UTRN: variants seen among roughly 807,000 people sequenced by gnomAD.
UTRN encodes dystrophin-related protein 1.
A neutral mutation model predicts 463.9 loss-of-function variants in UTRN; 283 were observed. The ratio of observed to expected loss-of-function variants is 0.61; its 90% confidence interval spans 0.55 to 0.67. UTRN has a LOEUF of 0.67. Among genes scored for constraint, UTRN ranks in the 30% least tolerant of loss-of-function variants. The pLI is 0.00. For synonymous variants in UTRN, 1,442 were observed against 1,431.5 expected, an observed-to-expected ratio of 1.01 and a Z score of -0.17; for missense variants, 3,922 against 4,084.3, an observed-to-expected ratio of 0.96 and a Z score of 1.08.
chr6:144,545,104 C>G (rs1254249569), intron 46 of UTRN, among the ~76,000 whole-genome samples: 1 of 152,184 alleles, frequency 6.6e-6, no homozygotes, highest in African/African-American at 2.4e-5. Context: ...AACCTCAACT[C>G]TTCTCTGGAA....
chr6:144,493,148 G>T (rs193040652), intron 32 of UTRN, among the ~76,000 whole-genome samples, 153 bp from the exon 33 acceptor site: 2 of 152,228 alleles, frequency 1.3e-5, no homozygotes, highest in South Asian at 2.1e-4. Flanking sequence ...CATTTGACTC[G>T]ACCTTCAGAC....
chr6:144,822,023 G>A (rs1398466952), intron 66 of UTRN, among the ~76,000 whole-genome samples: 1 of 152,054 alleles, frequency 6.6e-6, no homozygotes, highest in Non-Finnish European at 1.5e-5. Context: ...GTAGTAAGAA[G>A]TATAAAAAAT....
intron 51 of UTRN, among the ~76,000 whole-genome samples, chr6:144,599,896 A>G (rs1021655845): frequency 5.3e-5 from 8 of 152,266 alleles, no homozygotes; most frequent in African/African-American, 1.9e-4. Flanking sequence ...AAACAAGTCT[A>G]TCAGTGTTGT....
At chr6:144,796,803 G>C (rs1044985385) in intron 63 of UTRN, among the ~76,000 whole-genome samples, 4 of 152,090 alleles carry the variant, frequency 2.6e-5, no homozygotes, top group Admixed American at 2.6e-4. Context: ...GATGTCATGG[G>C]TTATTACATT....
chr6:144,486,612 C>T (rs1334104782), intron 28 of UTRN, among the ~76,000 whole-genome samples: 1 of 152,002 alleles, frequency 6.6e-6, no homozygotes, highest in Non-Finnish European at 1.5e-5. Flanking sequence ...ACCTCCACCT[C>T]CTGAGTTCAA....
chr6:144,614,128 A>G (rs749834210), intron 51 of UTRN, among the ~76,000 whole-genome samples: 4 of 152,030 alleles, frequency 2.6e-5, no homozygotes, highest in Admixed American at 6.6e-5. Context: ...AATTTTACCA[A>G]TGGTTGCAGG....
intron 51 of UTRN, among the ~76,000 whole-genome samples, chr6:144,677,850 A>G (rs1781799953): frequency 6.6e-6 from 1 of 152,204 alleles, no homozygotes; most frequent in African/African-American, 2.4e-5. Flanking sequence ...TCTAATGACC[A>G]GTGCTGATGA....
intron 2 of UTRN, among the ~76,000 whole-genome samples, chr6:144,382,813 A>G (rs1214679799): frequency 1.3e-5 from 2 of 152,204 alleles, no homozygotes; most frequent in Non-Finnish European, 2.9e-5. Flanking sequence ...TTATGAGAAA[A>G]CATGATTCAT....
At chr6:144,757,356 T>G (rs1792116166) in intron 57 of UTRN, among the ~76,000 whole-genome samples, 1 of 151,594 alleles carries the variant, frequency 6.6e-6, no homozygotes, top group East Asian at 1.9e-4. Flanking sequence ...AAGTAAGAAA[T>G]TGGGATTTTT....
At chr6:144,470,809 T>G (rs1470702474) in intron 23 of UTRN, among the ~76,000 whole-genome samples, 5 of 151,780 alleles carry the variant, frequency 3.3e-5, no homozygotes, top group Admixed American at 2.6e-4. Flanking sequence ...CAGATCACTC[T>G]CGGTCAGGAA....
At chr6:144,732,277 T>TATATATATACAC (rs1788740544) in intron 54 of UTRN, among the ~76,000 whole-genome samples, 1 of 88,742 alleles carries the variant, frequency 1.1e-5, no homozygotes, top group African/African-American at 5.0e-5. Context: ...TATATATATA[T>TATATATATACAC]ACACACATAT....
At chr6:144,633,040 G>C (rs115855347) in intron 51 of UTRN, among the ~76,000 whole-genome samples, 2,829 of 151,846 alleles carry the variant, frequency 0.019, 76 homozygotes, top group African/African-American at 0.064. Flanking sequence ...CCTTTTTAAA[G>C]TATGTTTTTA....
chr6:144,457,127 G>A (rs77388591), intron 19 of UTRN, among the ~76,000 whole-genome samples: 1 of 152,162 alleles, frequency 6.6e-6, no homozygotes, highest in African/African-American at 2.4e-5. Context: ...TAAAGACAAT[G>A]TGCAGTTTTC....
chr6:144,482,424 T>TTATTAC (rs1198048292), intron 27 of UTRN, 36 bp downstream of exon 27: 1 of 1,145,668 alleles, frequency 8.7e-7, no homozygotes, highest in African/African-American at 1.7e-5. Context: ...ATTATTATTA[T>TTATTAC]TATTATTATT....
At chr6:144,456,814 T>C (rs978909788) in intron 19 of UTRN, among the ~76,000 whole-genome samples, 14 of 152,104 alleles carry the variant, frequency 9.2e-5, no homozygotes, top group African/African-American at 3.4e-4. Context: ...GTTGGGCATC[T>C]GGATAATGTG....
chr6:144,831,347 G>T (rs1234259341), intron 69 of UTRN, among the ~76,000 whole-genome samples: 2 of 152,206 alleles, frequency 1.3e-5, no homozygotes, highest in African/African-American at 4.8e-5. Context: ...AGGAGAGCCA[G>T]AGTCAGAGAA....
intron 27 of UTRN, among the ~76,000 whole-genome samples, chr6:144,484,432 C>CTTTTTTTTTT (rs765122659): frequency 1.5e-5 from 1 of 66,254 alleles, no homozygotes; most frequent in Non-Finnish European, 2.7e-5. Flanking sequence ...AAAAACCAAA[C>CTTTTTTTTTT]TTTTTTTTTT....
intron 2 of UTRN, among the ~76,000 whole-genome samples, chr6:144,374,037 A>G (rs1780231710): frequency 6.6e-6 from 1 of 152,200 alleles, no homozygotes; most frequent in Non-Finnish European, 1.5e-5. Flanking sequence ...TTGGCAGATC[A>G]TATGGCATTT....
intron 50 of UTRN, among the ~76,000 whole-genome samples, chr6:144,561,903 G>C (rs779384069): frequency 1.3e-5 from 2 of 152,118 alleles, no homozygotes; most frequent in Non-Finnish European, 2.9e-5. Context: ...ACTTTCTGGG[G>C]TTAAATTAGC....
Sources: allele counts gnomAD v4.1 joint callset (sites outside exome capture counted in the v4.1 genomes callset), GRCh38; gene constraint gnomAD v4.1.1; transcripts MANE v1.5; gene names NCBI Gene and HGNC (gene_info 2026-07-23, HGNC 2026-07-21).